Variants in MERTK observed in about 807,000 individuals in gnomAD.
MERTK encodes MER proto-oncogene, tyrosine kinase, also known as tyrosine-protein kinase Mer.
A neutral mutation model predicts 99.3 loss-of-function variants in MERTK; 69 were observed. The ratio of observed to expected loss-of-function variants is 0.70; its 90% CI spans 0.57 to 0.85. The LOEUF is 0.85. Ranked by LOEUF, MERTK falls within the 40% of genes least tolerant of loss-of-function variation. MERTK has a pLI of 0.00. For missense variants in MERTK, 1,125 were observed against 1,249.4 expected (o/e 0.90, Z 1.50); for synonymous variants, 426 against 467.6 (o/e 0.91, Z 1.15).
chr2:111,952,723 A>C (rs1327664482), intron 4 of MERTK: 1 of 152,220 alleles, frequency 6.6e-6, no homozygotes, highest in African/African-American at 2.4e-5. Context: ...TGTGCTACCA[A>C]AGCGAGCACC....
At chr2:112,012,177 G>A (rs1677118789) in intron 15 of MERTK, among the ~76,000 whole-genome samples, 1 of 152,176 alleles carries the variant, frequency 6.6e-6, no homozygotes, top group Non-Finnish European at 1.5e-5. Flanking sequence ...CATATGCTGT[G>A]GGGTCTGCTG....
rs752974881 is a variant in MERTK, at chr2:112,008,484, G to A, written c.1960+9G>A. On this transcript the variant is annotated intron_variant, in intron 14 of 18. Coordinates refer to ENST00000295408, the MANE Select transcript of MERTK (RefSeq NM_006343.3). ...TGTCATTCGACTTCTAGGTACTTCC[G>A]AGAAATGCAGGAGTGGGTGGCCAAG... 7 of 1,608,644 alleles carry A rather than the reference G, an allele frequency of 4.4e-6. No individual in the cohort carries two copies. Among genetic ancestry groups the A allele is most frequent in the Admixed American group, 1.7e-5 (1 of 59,988 alleles).
At chr2:112,019,628 G>C (rs1209646791) in intron 16 of MERTK, 106 bp downstream of exon 16, 5 of 857,506 alleles carry the variant, frequency 5.8e-6, no homozygotes. Flanking sequence ...GGAAGCTGCA[G>C]TCAGCGGGGG....
chr2:111,911,897 G>C (rs923415162), intron 1 of MERTK, among the ~76,000 whole-genome samples: 1 of 151,456 alleles, frequency 6.6e-6, no homozygotes, highest in African/African-American at 2.4e-5. Flanking sequence ...CCACATTGTC[G>C]AGGCTGGTCT....
At chr2:112,011,684 G>A (rs1395953091) in intron 15 of MERTK, among the ~76,000 whole-genome samples, 1 of 152,188 alleles carries the variant, frequency 6.6e-6, no homozygotes, top group Non-Finnish European at 1.5e-5. Flanking sequence ...TAGGAAGGCT[G>A]AGGTTGCAGT....
chr2:111,940,719 A>G, intron 2 of MERTK: 1 of 818,916 alleles, frequency 1.2e-6, no homozygotes, highest in Middle Eastern at 3.0e-4. Flanking sequence ...CAGTTTTTGC[A>G]TTATCAGGTA....
chr2:111,934,308 A>G (rs1389001788), intron 2 of MERTK, among the ~76,000 whole-genome samples: 2 of 152,194 alleles, frequency 1.3e-5, no homozygotes, highest in African/African-American at 4.8e-5. Flanking sequence ...ACTATCTTCC[A>G]CAAAGGTTAA....
At chr2:111,916,353 G>A (rs1291837143) in intron 1 of MERTK, among the ~76,000 whole-genome samples, 3 of 151,962 alleles carry the variant, frequency 2.0e-5, no homozygotes, top group African/African-American at 4.8e-5. Flanking sequence ...TCAGTGATAC[G>A]GATTTTAGAT....
chr2:111,989,969 G>T (rs1676581076), intron 8 of MERTK, among the ~76,000 whole-genome samples: 1 of 152,140 alleles, frequency 6.6e-6, no homozygotes, highest in Non-Finnish European at 1.5e-5. Context: ...TGAAAAATAT[G>T]CAGTTGGCCC....
In MERTK at chr2:112,019,529, G is replaced by A. The variant is rs757634209; in HGVS notation, c.2189+7G>A. ...TAGCTGCTCGAAACTGCATGTAAGA[G>A]TCCTCGGCTATCCTGGAAGGGTTTG... On this transcript the variant is annotated splice_region_variant and intron_variant, in intron 16 of 18. Transcript: ENST00000295408. 4.3e-5 allele frequency: 68 copies of A among 1,594,508 alleles called. No homozygotes were observed. The highest frequency in any genetic ancestry group is 5.7e-5 in the Non-Finnish European group (66 of 1,162,256).
chr2:112,021,335 A>G (rs1055436493), intron 16 of MERTK, 87 bp from the exon 17 acceptor site: 44 of 1,585,272 alleles, frequency 2.8e-5, no homozygotes, highest in African/African-American at 2.1e-4. Context: ...GTCAATTATC[A>G]TAAGTGTTTT....
At chr2:111,977,850 T>G (rs2104736364) in intron 7 of MERTK, among the ~76,000 whole-genome samples, 1 of 152,310 alleles carries the variant, frequency 6.6e-6, no homozygotes, top group South Asian at 2.1e-4. Context: ...CCTATCCAGT[T>G]TATATTTCAT....
In MERTK at chr2:112,028,698, C is replaced by T. The variant is rs779918962; in HGVS notation, c.2834C>T (p.Pro945Leu). ...GAATGGGAAGATCTGACTTCTGCCC[C>T]CTCTGCTGCAGTCACAGCTGAAAAG... is the stretch of plus-strand genomic sequence containing the variant. ...SEEWEDLTSA[P>L]SAAVTAEKNS... The change falls in exon 19 of 19, where the codon CCC (proline) becomes CTC (leucine). Residue 945 changes from proline (P) to leucine (L), a missense_variant. Transcript: ENST00000295408. The T allele has an allele frequency of 4.3e-6, 7 of 1,614,156 alleles. No individual in the cohort carries two copies. The highest frequency in any genetic ancestry group is 5.9e-6 in the Non-Finnish European group (7 of 1,180,024).
At chr2:112,014,135 C>T (rs556024177) in intron 15 of MERTK, among the ~76,000 whole-genome samples, 1 of 152,010 alleles carries the variant, frequency 6.6e-6, no homozygotes, top group East Asian at 1.9e-4. Flanking sequence ...CATTCTCCTG[C>T]CTCAGCCTCC....
intron 8 of MERTK, among the ~76,000 whole-genome samples, chr2:111,992,101 A>G (rs1266819491): frequency 6.6e-6 from 1 of 152,168 alleles, no homozygotes; most frequent in African/African-American, 2.4e-5. Context: ...ATTAGAAGTC[A>G]TAAGACTCAC....
At chr2:111,939,854 C>T (rs1304305769) in intron 2 of MERTK, among the ~76,000 whole-genome samples, 1 of 151,620 alleles carries the variant, frequency 6.6e-6, no homozygotes, top group Non-Finnish European at 1.5e-5. Flanking sequence ...TAATAGTTTC[C>T]TAAGTATCAA....
intron 18 of MERTK, among the ~76,000 whole-genome samples, chr2:112,027,310 G>GTATA (rs111912816): frequency 6.7e-6 from 1 of 150,138 alleles, no homozygotes; most frequent in African/African-American, 2.5e-5. Context: ...GTGTGTGTGT[G>GTATA]TATATATATA....
intron 4 of MERTK, among the ~76,000 whole-genome samples, chr2:111,963,559 T>C (rs557911870): frequency 1.3e-5 from 2 of 151,002 alleles, no homozygotes; most frequent in South Asian, 4.2e-4. Flanking sequence ...GGAGTGGTGA[T>C]GACTCTTAAC....
At position 111,965,197 on chromosome 2, in the gene MERTK, C is replaced by T. The variant is rs1482794875; in HGVS notation, c.764C>T (p.Thr255Met). 7 of 1,614,160 alleles carry T rather than the reference C, an allele frequency of 4.3e-6. No homozygotes were observed. In the South Asian group the frequency reaches 4.4e-5, roughly 10 times the overall value. Residue 255 changes from threonine (T) to methionine (M), a missense_variant, in exon 5 of 19, where the codon ACG becomes ATG. Physicochemically the swap from Thr to Met is moderately conservative, Grantham distance 81. Coordinates refer to ENST00000295408, the MANE Select transcript of MERTK (RefSeq NM_006343.3). ...GAGTCTCCTTCCATTCCAGGCCTGA[C>T]GGAGATGGCGGTCTTCAGTTGTGAG... ...SPSVLTVPGL[T>M]EMAVFSCEAH...
Sources: gnomAD v4.1 joint callset for allele counts (sites outside exome capture counted in the v4.1 genomes callset) on GRCh38, gnomAD v4.1.1 for gene constraint, MANE v1.5 for transcripts, NCBI Gene and HGNC (gene_info 2026-07-23, HGNC 2026-07-21) for gene names.